Variants in KCNJ15 observed in about 807,000 individuals in gnomAD.
The protein encoded by KCNJ15 is ATP-sensitive inward rectifier potassium channel 15.
A neutral mutation model predicts 23.0 loss-of-function variants in KCNJ15; 14 were observed. The ratio of observed to expected loss-of-function variants is 0.61; its 90% confidence interval spans 0.40 to 0.95. The LOEUF (loss-of-function observed/expected upper bound fraction) is 0.95, where lower values mean the gene tolerates loss of function less well. Ranked by LOEUF, KCNJ15 falls within the 40% of genes least tolerant of loss-of-function variation. The pLI is 0.00. For missense variants in KCNJ15, 388 were observed against 461.8 expected, an observed-to-expected ratio of 0.84 and a Z score of 1.46; for synonymous variants, 185 against 183.2, an observed-to-expected ratio of 1.01 and a Z score of -0.08.
chr21:38,283,219 G>T (rs1275089755), intron 1 of KCNJ15, among the ~76,000 whole-genome samples: 1 of 152,172 alleles, frequency 6.6e-6, no homozygotes, highest in African/African-American at 2.4e-5. Context: ...ATATAATACA[G>T]AAAGTACTTC....
chr21:38,254,075 TGA>T (rs1197283429), upstream of KCNJ15, among the ~76,000 whole-genome samples: 1 of 152,230 alleles, frequency 6.6e-6, no homozygotes, highest in African/African-American at 2.4e-5. Flanking sequence ...ACTCATTGGA[TGA>T]GAGAGAGATT....
At chr21:38,269,439 A>G (rs988558563) in intron 1 of KCNJ15, among the ~76,000 whole-genome samples, 4 of 152,208 alleles carry the variant, frequency 2.6e-5, no homozygotes, top group Non-Finnish European at 5.9e-5. Flanking sequence ...TGTCAATGCA[A>G]ATTGAATCCG....
chr21:38,254,604 T>A (rs1241458706), upstream of KCNJ15, among the ~76,000 whole-genome samples: 1 of 152,216 alleles, frequency 6.6e-6, no homozygotes, highest in Non-Finnish European at 1.5e-5. Context: ...CATATGCATA[T>A]GTATGCTCAA....
chr21:38,259,025 G>A (rs945661124), intron 1 of KCNJ15, among the ~76,000 whole-genome samples: 8 of 152,008 alleles, frequency 5.3e-5, no homozygotes, highest in Non-Finnish European at 1.2e-4. Context: ...GTGTGTGTGC[G>A]CGTGTGTGTG....
intron 1 of KCNJ15, chr21:38,238,327 CG>C (rs1370114687): frequency 1.4e-6 from 1 of 716,474 alleles, no homozygotes; most frequent in Non-Finnish European, 2.6e-6. Context: ...TTCCTGCCTT[CG>C]GAGGGTACTC....
At chr21:38,263,536 A>G (rs1981143224) in intron 1 of KCNJ15, among the ~76,000 whole-genome samples, 1 of 152,214 alleles carries the variant, frequency 6.6e-6, no homozygotes, top group African/African-American at 2.4e-5. Flanking sequence ...ACGTTCTTTA[A>G]CTTTGAATCC....
In KCNJ15 at chr21:38,299,473, C is replaced by T; in HGVS notation, c.212C>T (p.Ala71Val). The T allele has an allele frequency of 3.7e-6, 6 of 1,614,230 alleles. No individual in the cohort carries two copies. Among genetic ancestry groups the T allele is most frequent in the Non-Finnish European group, 5.1e-6 (6 of 1,180,040 alleles). The change falls in exon 3 of 3, where the codon GCT becomes GTT. Residue 71 changes from alanine to valine, a missense_variant. Ala to Val is a moderately conservative substitution (Grantham distance 64). Transcript: ENST00000398938. The surrounding 1 kb of genome is among the most constrained non-coding windows in gnomAD (Gnocchi z 4.5). ...TGGAGATACAAACTCACCCTGTTCG[C>T]TGCCACTTTTGTGATGACCTGGTTC... ...MKWRYKLTLF[A>V]ATFVMTWFLF...
chr21:38,283,318 G>T (rs1036582544), intron 1 of KCNJ15, among the ~76,000 whole-genome samples: 14 of 152,092 alleles, frequency 9.2e-5, no homozygotes, highest in Non-Finnish European at 1.2e-4. Flanking sequence ...TGGAAAATCT[G>T]GTTGAAAAAC....
At chr21:38,264,036 A>G (rs533465180) in intron 1 of KCNJ15, among the ~76,000 whole-genome samples, 1 of 152,318 alleles carries the variant, frequency 6.6e-6, no homozygotes, top group Non-Finnish European at 1.5e-5. Context: ...GTGCACACAG[A>G]TCCACAGTGC....
chr21:38,277,408 G>A (rs146924360), intron 1 of KCNJ15, among the ~76,000 whole-genome samples: 41 of 152,142 alleles, frequency 2.7e-4, no homozygotes, highest in African/African-American at 9.2e-4. Context: ...GTTTAGGGGC[G>A]AGTCAAATTA....
chr21:38,292,215 G>C (rs1322103549), intron 1 of KCNJ15, among the ~76,000 whole-genome samples: 3 of 152,100 alleles, frequency 2.0e-5, no homozygotes, highest in Non-Finnish European at 2.9e-5. Context: ...GCTTAGTTTC[G>C]TCACCTAGAA....
intron 1 of KCNJ15, among the ~76,000 whole-genome samples, chr21:38,282,287 G>A (rs1443540987): frequency 1.3e-5 from 2 of 152,112 alleles, no homozygotes; most frequent in African/African-American, 2.4e-5. Flanking sequence ...GACATCTGGT[G>A]TAAAGAAGCA....
chr21:38,286,967 A>T (rs1222731017), intron 1 of KCNJ15, among the ~76,000 whole-genome samples: 1 of 152,234 alleles, frequency 6.6e-6, no homozygotes, highest in Admixed American at 6.5e-5. Flanking sequence ...ATTGCTGCTC[A>T]CCACACCTTC....
chr21:38,247,383 T>G (rs1979491430), intron 1 of KCNJ15, among the ~76,000 whole-genome samples: 1 of 151,886 alleles, frequency 6.6e-6, no homozygotes, highest in Non-Finnish European at 1.5e-5. Flanking sequence ...GATGGATGAA[T>G]GGATGTATGG....
intron 1 of KCNJ15, among the ~76,000 whole-genome samples, chr21:38,241,411 AG>A (rs1978984215): frequency 6.6e-6 from 1 of 152,232 alleles, no homozygotes; most frequent in African/African-American, 2.4e-5. Context: ...GTGAGCCCAC[AG>A]TCTCTGTGAC....
intron 1 of KCNJ15, among the ~76,000 whole-genome samples, chr21:38,273,479 A>G (rs375826348): frequency 4.6e-5 from 7 of 152,328 alleles, no homozygotes; most frequent in South Asian, 4.1e-4. Context: ...CATTTTCCAA[A>G]CTTGCAAATA....
At chr21:38,260,803 A>G (rs1439159425) in intron 1 of KCNJ15, among the ~76,000 whole-genome samples, 1 of 152,172 alleles carries the variant, frequency 6.6e-6, no homozygotes, top group East Asian at 1.9e-4. Context: ...AGAATTAGCA[A>G]CAGAATAAGC....
chr21:38,270,494 T>G (rs1487529967), intron 1 of KCNJ15, among the ~76,000 whole-genome samples: 2 of 152,168 alleles, frequency 1.3e-5, no homozygotes, highest in Non-Finnish European at 2.9e-5. Flanking sequence ...CCAGTTGCCT[T>G]TCAGAAGGCA....
At chr21:38,268,574 A>AAG (rs1269203012) in intron 1 of KCNJ15, among the ~76,000 whole-genome samples, 1 of 146,930 alleles carries the variant, frequency 6.8e-6, no homozygotes, top group South Asian at 2.1e-4. Flanking sequence ...AAAAAAAAAA[A>AAG]AAAGAAAGTG....
Sources: allele counts gnomAD v4.1 joint callset (sites outside exome capture counted in the v4.1 genomes callset), GRCh38; gene constraint gnomAD v4.1.1; non-coding constraint Gnocchi (gnomAD v3.1); transcripts MANE v1.5; gene names NCBI Gene and HGNC (gene_info 2026-07-23, HGNC 2026-07-21).